Variants in GAB1 observed in about 807,000 individuals in gnomAD.
GAB1 encodes the protein GRB2 associated binding protein 1.
In GAB1, 19 loss-of-function variants were observed where a neutral mutation model predicts 66.5. The ratio of observed to expected loss-of-function variants is 0.29; its 90% confidence interval spans 0.20 to 0.42. The LOEUF (loss-of-function observed/expected upper bound fraction) is 0.42, where lower values mean the gene tolerates loss of function less well. Among genes scored for constraint, GAB1 ranks in the 10% least tolerant of loss-of-function variants. The pLI is 1.00. For missense variants in GAB1, 732 were observed against 858.5 expected (o/e 0.85, Z 1.84); for synonymous variants, 294 against 301.4 (o/e 0.98, Z 0.25).
chr4:143,445,468 C>T (rs185906044), intron 6 of GAB1, among the ~76,000 whole-genome samples: 1 of 152,064 alleles, frequency 6.6e-6, no homozygotes, highest in East Asian at 1.9e-4. Context: ...ATTTGAGTTT[C>T]TTGTGGATTC....
rs1052708129 is a variant in GAB1 at position 143,425,477 on chromosome 4, C to T, written c.368-8014C>T. ...AGGCATCTTATGTTAACCTACCTAC[C>T]ATTGCTCTGTGTAACACAGATTCTC... is the stretch of plus-strand genomic sequence containing the variant. On this transcript the variant is annotated intron_variant, in intron 2 of 9. Transcript: ENST00000262994. 88 of 761,058 alleles carry T rather than the reference C, an allele frequency of 1.2e-4. 1 individual carries two copies. The highest frequency in any genetic ancestry group is 9.0e-4 in the East Asian group (37 of 41,096). The allele number at this position is 761,058 out of a possible 1,614,324, so 47.1% of individuals were successfully genotyped here. A position where few individuals can be genotyped will look rare whatever the true frequency, so the allele number is the denominator to read the frequency against.
At chr4:143,365,297 A>G (rs558378158) in intron 1 of GAB1, among the ~76,000 whole-genome samples, 1 of 152,174 alleles carries the variant, frequency 6.6e-6, no homozygotes, top group Non-Finnish European at 1.5e-5. Context: ...TTTTCTCTTC[A>G]TCATACCCCT....
intron 1 of GAB1, among the ~76,000 whole-genome samples, chr4:143,401,658 G>A (rs1731779927): frequency 1.3e-5 from 2 of 152,066 alleles, no homozygotes; most frequent in Non-Finnish European, 2.9e-5. Context: ...GTCACAATAG[G>A]TGGAAAATTA....
chr4:143,463,929 C>T (rs1735637375), intron 8 of GAB1, among the ~76,000 whole-genome samples: 2 of 152,314 alleles, frequency 1.3e-5, no homozygotes, highest in South Asian at 4.1e-4. Flanking sequence ...TGGTATTATG[C>T]ATGCAGGTCT....
intron 8 of GAB1, 123 bp from the exon 9 acceptor site, chr4:143,465,980 T>G (rs1560790593): frequency 2.0e-6 from 2 of 989,846 alleles, no homozygotes; most frequent in East Asian, 5.1e-5. Flanking sequence ...CCTAAAAGGT[T>G]GTTTAACTTT....
chr4:143,390,742 A>G (rs1346461386), intron 1 of GAB1, among the ~76,000 whole-genome samples: 1 of 152,202 alleles, frequency 6.6e-6, no homozygotes, highest in Non-Finnish European at 1.5e-5. Context: ...CTCATATAAA[A>G]GGGTAAGCAT....
chr4:143,392,385 A>G (rs1731226854), intron 1 of GAB1, among the ~76,000 whole-genome samples: 1 of 152,218 alleles, frequency 6.6e-6, no homozygotes, highest in Admixed American at 6.5e-5. Context: ...AAGCCAATAT[A>G]AATTGCTTAA....
intron 1 of GAB1, among the ~76,000 whole-genome samples, chr4:143,364,868 CTTTTTTTTTTT>C (rs745401852): frequency 1.5e-4 from 13 of 86,806 alleles, no homozygotes; most frequent in Admixed American, 4.9e-4. Context: ...CCTGCATCTA[CTTTTTTTTTTT>C]TTTTTTTTTT....
intron 6 of GAB1, among the ~76,000 whole-genome samples, chr4:143,452,858 A>C (rs1734996356): frequency 6.6e-6 from 1 of 152,222 alleles, no homozygotes; most frequent in African/African-American, 2.4e-5. Context: ...GGCTCACATG[A>C]GTTCTCTATT....
At chr4:143,389,207 CT>C (rs1354412704) in intron 1 of GAB1, among the ~76,000 whole-genome samples, 1 of 152,212 alleles carries the variant, frequency 6.6e-6, no homozygotes, top group African/African-American at 2.4e-5. Flanking sequence ...CAATCTCATC[CT>C]TTTCCTTCCT....
At chr4:143,447,116 G>A (rs1309164542) in intron 6 of GAB1, among the ~76,000 whole-genome samples, 21 of 151,822 alleles carry the variant, frequency 1.4e-4, no homozygotes, top group East Asian at 3.9e-4. Flanking sequence ...GATATGCGGC[G>A]TTATTTCTGA....
chr4:143,469,188 G>T lies in GAB1; in HGVS notation c.2084G>T (p.Ter695LeuextTer15). Residue 695 changes from the stop codon to leucine, a stop_lost, in exon 10 of 10, where the codon TGA (stop) becomes TTA (leucine). Coordinates refer to ENST00000262994, the MANE Select transcript of GAB1 (RefSeq NM_002039.4). ...ESETPAKSVK[*>L] is the part of the protein sequence containing the mutation. Reference sequence around the variant, plus strand: ...GAAACGCCAGCGAAGAGTGTGAAATGAAAATATTGCCTTGCCATTTCTGAA... The same window carrying T: ...GAAACGCCAGCGAAGAGTGTGAAATTAAAATATTGCCTTGCCATTTCTGAA... The T allele has an allele frequency of 6.2e-7, 1 of 1,613,740 alleles. No homozygotes were observed. Among genetic ancestry groups the T allele is most frequent in the African/African-American group, 1.3e-5 (1 of 75,020 alleles).
At chr4:143,445,718 C>T (rs1560775974) in intron 6 of GAB1, among the ~76,000 whole-genome samples, 1 of 151,980 alleles carries the variant, frequency 6.6e-6, no homozygotes, top group Non-Finnish European at 1.5e-5. Context: ...TTTTCCAGGT[C>T]TATTGAGATG....
chr4:143,440,294 C>G lies in GAB1; in HGVS notation c.1497C>G (p.Ser499=), dbSNP rs558439617. 10 of 1,614,084 alleles carry G rather than the reference C, an allele frequency of 6.2e-6. No individual in the cohort carries two copies. The African/African-American group carries it at 1.1e-4, about 17-fold the overall frequency. Reference sequence around the variant, plus strand: ...CTCCTGCTCATATGGGCTTCAGGTCCAGCCCAAAAACCCCTCCCAGAAGGC... The same window carrying G: ...CTCCTGCTCATATGGGCTTCAGGTCGAGCCCAAAAACCCCTCCCAGAAGGC... ...VPPPAHMGFR[S]SPKTPPRRPV... is the part of the protein sequence containing the mutation. Residue 499 remains serine (S), a synonymous_variant, in exon 6 of 10, where the codon TCC becomes TCG. Transcript: ENST00000262994.
chr4:143,385,915 G>C (rs1345159282), intron 1 of GAB1, among the ~76,000 whole-genome samples: 2 of 152,176 alleles, frequency 1.3e-5, no homozygotes, highest in Non-Finnish European at 2.9e-5. Flanking sequence ...CAAGGCAGGA[G>C]GATAGCTTGA....
At chr4:143,342,076 G>GT (rs1012386429) in intron 1 of GAB1, among the ~76,000 whole-genome samples, 2 of 152,318 alleles carry the variant, frequency 1.3e-5, no homozygotes, top group South Asian at 2.1e-4. Flanking sequence ...TAGCAAGAAT[G>GT]TTTTTTCTGT....
intron 1 of GAB1, among the ~76,000 whole-genome samples, chr4:143,397,027 C>T (rs1731488100): frequency 6.6e-6 from 1 of 152,092 alleles, no homozygotes. Context: ...TTGGGGTGAT[C>T]GTGTTGCCTG....
intron 1 of GAB1, among the ~76,000 whole-genome samples, chr4:143,382,728 G>T (rs1298118689): frequency 6.6e-6 from 1 of 152,098 alleles, no homozygotes; most frequent in Non-Finnish European, 1.5e-5. Flanking sequence ...ATGACCAATA[G>T]TGTGAAACTG....
At chr4:143,395,911 G>A (rs1560739825) in intron 1 of GAB1, 4 of 455,568 alleles carry the variant, frequency 8.8e-6, no homozygotes, top group East Asian at 7.0e-5. Context: ...GGAGAGCAGC[G>A]TAGGAAATTG....
Sources: gnomAD v4.1 joint callset for allele counts (sites outside exome capture counted in the v4.1 genomes callset) on GRCh38, gnomAD v4.1.1 for gene constraint, MANE v1.5 for transcripts, NCBI Gene and HGNC (gene_info 2026-07-23, HGNC 2026-07-21) for gene names.